Variants in CRTC1 observed in about 807,000 individuals in gnomAD.
CRTC1 encodes CREB regulated transcription coactivator 1.
A neutral mutation model predicts 66.1 loss-of-function variants in CRTC1; 18 were observed. The ratio of observed to expected loss-of-function variants is 0.27; its 90% CI spans 0.19 to 0.40. The LOEUF (loss-of-function observed/expected upper bound fraction) is 0.40. Ranked by LOEUF, CRTC1 falls within the 10% of genes least tolerant of loss-of-function variation. CRTC1 has a pLI of 1.00. For synonymous variants in CRTC1, 416 were observed against 398.8 expected, an observed-to-expected ratio of 1.04 and a Z score of -0.51; for missense variants, 669 against 887.9, an observed-to-expected ratio of 0.75 and a Z score of 3.13.
chr19:18,775,504 G>A, intron 12 of CRTC1, 137 bp from the exon 13 acceptor site: 1 of 773,532 alleles, frequency 1.3e-6, no homozygotes, highest in Non-Finnish European at 2.0e-6. Flanking sequence ...TTCGTGCTTG[G>A]CAGCCTGGGT....
At chr19:18,753,089 C>G (rs1293520844) in intron 5 of CRTC1, among the ~76,000 whole-genome samples, 1 of 151,584 alleles carries the variant, frequency 6.6e-6, no homozygotes, top group African/African-American at 2.4e-5. Flanking sequence ...CACAGTGAAA[C>G]CCCGTCTCTA....
chr19:18,766,608 G>C (rs1484591308), intron 9 of CRTC1, among the ~76,000 whole-genome samples: 1 of 149,136 alleles, frequency 6.7e-6, no homozygotes, highest in Non-Finnish European at 1.5e-5. Context: ...ACCACGCCTG[G>C]CTAATTAAAA....
At chr19:18,748,447 G>A (rs2054293470) in intron 4 of CRTC1, among the ~76,000 whole-genome samples, 1 of 138,338 alleles carries the variant, frequency 7.2e-6, no homozygotes, top group Non-Finnish European at 1.5e-5. Context: ...TCAAACTCCT[G>A]GGCCCAAGTG....
intron 1 of CRTC1, among the ~76,000 whole-genome samples, chr19:18,728,346 C>T (rs1159162232): frequency 6.6e-6 from 1 of 152,178 alleles, no homozygotes; most frequent in Non-Finnish European, 1.5e-5. Flanking sequence ...CAGCTTCAAT[C>T]GCTGCCCAGG....
chr19:18,742,820 C>T (rs1345432150), intron 1 of CRTC1, 90 bp from the exon 2 acceptor site: 3 of 911,450 alleles, frequency 3.3e-6, no homozygotes, highest in South Asian at 2.7e-5. Flanking sequence ...TCAATCCCAC[C>T]ACTTGGGTCT....
At position 18,768,834 on chromosome 19, in the gene CRTC1, C is replaced by A; in HGVS notation, c.1320+41C>A. 6 of 1,557,700 alleles carry A rather than the reference C, an allele frequency of 3.9e-6. No homozygotes were observed. Among genetic ancestry groups the A allele is most frequent in the Non-Finnish European group, 4.3e-6 (5 of 1,152,556 alleles). The stretch of plus-strand genomic sequence containing the variant: ...GGTCCCTCGGGGCCTGACTGGGGGT[C>A]TTGTAGAGGACAGCCCGGGGGCTGC... On this transcript the variant is annotated intron_variant, in intron 10 of 13. Coordinates refer to ENST00000321949, the MANE Select transcript of CRTC1 (RefSeq NM_015321.3). The surrounding 1 kb of genome is among the most constrained non-coding windows in gnomAD (Gnocchi z 5.6).
chr19:18,689,434 CT>C (rs113447997), intron 1 of CRTC1, among the ~76,000 whole-genome samples: 72 of 49,730 alleles, frequency 1.4e-3, no homozygotes, highest in Non-Finnish European at 2.2e-3. Context: ...CTTTTTCTTT[CT>C]TTTTTTTTTT....
intron 9 of CRTC1, among the ~76,000 whole-genome samples, chr19:18,766,550 ATTC>A (rs991724022): frequency 6.6e-6 from 1 of 151,700 alleles, no homozygotes; most frequent in African/African-American, 2.4e-5. Flanking sequence ...ATTTCAAGCA[ATTC>A]TTGTGCCTCA....
intron 5 of CRTC1, among the ~76,000 whole-genome samples, chr19:18,750,207 C>T (rs2054332980): frequency 6.6e-6 from 1 of 152,204 alleles, no homozygotes. Context: ...CGCAAAGGAG[C>T]ATTTGTCAGC....
intron 1 of CRTC1, among the ~76,000 whole-genome samples, chr19:18,714,270 G>A (rs1203019258): frequency 3.9e-5 from 6 of 152,040 alleles, no homozygotes; most frequent in Non-Finnish European, 5.9e-5. Flanking sequence ...CCAGGCGGGC[G>A]CACTCCATCC....
Position 18,779,168 on chromosome 19 carries a change from GTCCGT to G in CRTC1, c.*1788_*1792del. On this transcript the variant is annotated 3_prime_UTR_variant, in exon 14 of 14. Coordinates refer to ENST00000321949, the MANE Select transcript of CRTC1 (RefSeq NM_015321.3). ...CTGCCGGGACAGCGCCTTCTGCTGA[GTCCGT>G]TTATTTGTAGTGTCATGGCTGCTGC... 4.3e-6 allele frequency: 1 copy of G among 232,796 alleles called. No homozygotes were observed. The highest frequency in any genetic ancestry group is 8.5e-6 in the Non-Finnish European group (1 of 117,728). The allele number at this position is 232,796 out of a possible 1,614,324, so 14.4% of individuals were successfully genotyped here. A position where few individuals can be genotyped will look rare whatever the true frequency, so the allele number is the denominator to read the frequency against.
At chr19:18,748,100 T>C (rs2054285625) in intron 4 of CRTC1, among the ~76,000 whole-genome samples, 1 of 152,028 alleles carries the variant, frequency 6.6e-6, no homozygotes, top group Non-Finnish European at 1.5e-5. Context: ...AACAATAATA[T>C]AGTTAATATA....
chr19:18,763,943 C>G (rs1038788072), intron 8 of CRTC1, among the ~76,000 whole-genome samples: 2 of 152,216 alleles, frequency 1.3e-5, no homozygotes, highest in Non-Finnish European at 2.9e-5. Flanking sequence ...AGGCTTCCCC[C>G]ACATCCTCCC....
intron 5 of CRTC1, among the ~76,000 whole-genome samples, chr19:18,750,764 C>T (rs755342604): frequency 5.9e-5 from 9 of 152,176 alleles, no homozygotes; most frequent in Non-Finnish European, 1.2e-4. Context: ...TCCGGGGTTC[C>T]GGCTCAGCGT....
intron 2 of CRTC1, 44 bp downstream of exon 2, chr19:18,743,070 C>T (rs1284173989): frequency 7.0e-7 from 1 of 1,434,450 alleles, no homozygotes; most frequent in Admixed American, 1.7e-5. Context: ...TGGGGAGCTT[C>T]CCCCAGCCTC....
rs148273210 is a variant in CRTC1 at position 18,738,802 on chromosome 19, A to AAAC, written c.127-4087_127-4085dup. On this transcript the variant is annotated intron_variant, in intron 1 of 13. Transcript: ENST00000321949. Reference sequence around the variant, plus strand: ...GCAACAAGAGGGAGACTCCGTCTCAAAACAACAACAACAACAACAACAAAG... The same window carrying AAAC: ...GCAACAAGAGGGAGACTCCGTCTCAAAACAACAACAACAACAACAACAACAAAG... Among the ~76,000 whole-genome samples, 1,117 of 152,134 alleles carry AAAC rather than the reference A, an allele frequency of 7.3e-3. 10 individuals carry two copies. Among genetic ancestry groups the AAAC allele is most frequent in the African/African-American group, 0.024 (984 of 41,486 alleles).
Position 18,777,688 on chromosome 19 carries a change from T to A in CRTC1, c.*306T>A, listed in dbSNP as rs2055024499. On this transcript the variant is annotated 3_prime_UTR_variant, in exon 14 of 14. Coordinates refer to ENST00000321949, the MANE Select transcript of CRTC1 (RefSeq NM_015321.3). This position sits in a 1 kb window ranked among gnomAD's most constrained non-coding sequence, Gnocchi z 5.5. Reference sequence around the variant, plus strand: ...GCCCCCAGCCCCGGGGCCTGAGCCGTCCCCTGTAAGATGCGGGAAGTGTCA... The same window carrying A: ...GCCCCCAGCCCCGGGGCCTGAGCCGACCCCTGTAAGATGCGGGAAGTGTCA... 1 of 406,250 alleles carries A rather than the reference T, an allele frequency of 2.5e-6. No homozygotes were observed. The highest frequency in any genetic ancestry group is 4.5e-6 in the Non-Finnish European group (1 of 224,332). The allele number at this position is 406,250 out of a possible 1,614,324, so 25.2% of individuals were successfully genotyped here.
In CRTC1 at chr19:18,774,947, G is replaced by C. The variant is rs1467682977; in HGVS notation, c.1473G>C (p.Gln491His). The change falls in exon 12 of 14, where the codon CAG becomes CAC. Residue 491 changes from glutamine (Q) to histidine (H), a missense_variant. Transcript: ENST00000321949. ...GSVFGDAYYE[Q>H]QMAARQANAL... is the part of the protein sequence containing the mutation. The stretch of plus-strand genomic sequence containing the variant: ...TGTTTGGGGACGCGTACTATGAGCA[G>C]CAGATGGCGGCCAGGCAGGCCAATG... The C allele has an allele frequency of 2.5e-6, 4 of 1,609,340 alleles. No individual in the cohort carries two copies. The highest frequency in any genetic ancestry group is 2.7e-5 in the African/African-American group (2 of 75,064).
chr19:18,751,114 G>A (rs1235631814), intron 5 of CRTC1, among the ~76,000 whole-genome samples: 1 of 152,148 alleles, frequency 6.6e-6, no homozygotes, highest in Non-Finnish European at 1.5e-5. Flanking sequence ...GGTTGGCCTG[G>A]CTGCCTCCTC....
Sources: gnomAD v4.1 joint callset for allele counts (sites outside exome capture counted in the v4.1 genomes callset) on GRCh38, gnomAD v4.1.1 for gene constraint, Gnocchi (gnomAD v3.1) non-coding constraint, MANE v1.5 for transcripts, NCBI Gene and HGNC (gene_info 2026-07-23, HGNC 2026-07-21) for gene names.